Variants in ZFAT observed in about 807,000 individuals in gnomAD.
The protein encoded by ZFAT is zinc finger protein ZFAT.
In ZFAT, 64 loss-of-function variants were observed where a neutral mutation model predicts 117.7. That is an observed-to-expected ratio of 0.54 (90% CI 0.44 to 0.67). The LOEUF (loss-of-function observed/expected upper bound fraction) is 0.67, where lower values mean the gene tolerates loss of function less well. Ranked by LOEUF, ZFAT falls within the 30% of genes least tolerant of loss-of-function variation. The probability of loss-of-function intolerance (pLI) is 0.00; values close to 1 mark genes in which losing one functional copy is unlikely to be tolerated. For missense variants in ZFAT, 1,433 were observed against 1,584.5 expected (o/e 0.90, Z 1.62); for synonymous variants, 679 against 615.0 (o/e 1.10, Z -1.54).
At chr8:134,779,899 T>C in the ZFAT span, among the ~76,000 whole-genome samples, 1 of 152,162 alleles carries the variant, frequency 6.6e-6, no homozygotes, top group African/African-American at 2.4e-5. Context: ...TGAGGCTCAA[T>C]ACATTCTTAT....
At chr8:134,771,329 T>C in the ZFAT span, among the ~76,000 whole-genome samples, 4 of 152,196 alleles carry the variant, frequency 2.6e-5, no homozygotes, top group Non-Finnish European at 5.9e-5. Flanking sequence ...GCAGATTCCC[T>C]GATACTGAAT....
the ZFAT span, among the ~76,000 whole-genome samples, chr8:134,727,326 C>T: frequency 6.6e-6 from 1 of 152,034 alleles, no homozygotes; most frequent in East Asian, 1.9e-4. Flanking sequence ...GAGGAAGTGG[C>T]TGGTGCAAAG....
chr8:134,795,115 T>C, the ZFAT span: 1 of 152,194 alleles, frequency 6.6e-6, no homozygotes, highest in East Asian at 1.9e-4. Flanking sequence ...TATTGTGAAA[T>C]ATATATTTGC....
At chr8:134,709,126 A>G (rs1449038603) in intron 1 of ZFAT, among the ~76,000 whole-genome samples, 3 of 152,184 alleles carry the variant, frequency 2.0e-5, no homozygotes, top group Non-Finnish European at 4.4e-5. Flanking sequence ...TCTACAAAAA[A>G]TACAAAAATT....
At chr8:134,714,926 C>A (rs1449056336), upstream of ZFAT, among the ~76,000 whole-genome samples, 1 of 152,110 alleles carries the variant, frequency 6.6e-6, no homozygotes, top group Non-Finnish European at 1.5e-5. Flanking sequence ...ACGTCCTCCA[C>A]CACAAGATAC....
chr8:134,622,149 T>G (rs980210956), intron 3 of ZFAT, among the ~76,000 whole-genome samples: 3 of 152,144 alleles, frequency 2.0e-5, no homozygotes, highest in Non-Finnish European at 4.4e-5. Flanking sequence ...GGCCTGAGGT[T>G]GGGATGATGA....
chr8:134,672,295 A>C (rs1832598887), intron 1 of ZFAT, among the ~76,000 whole-genome samples: 1 of 152,244 alleles, frequency 6.6e-6, no homozygotes. Flanking sequence ...CCACATTGCC[A>C]AGACAATCCT....
At chr8:134,643,029 A>G (rs1563717732) in intron 2 of ZFAT, among the ~76,000 whole-genome samples, 2 of 152,350 alleles carry the variant, frequency 1.3e-5, no homozygotes, top group South Asian at 2.1e-4. Context: ...TACCAGCCAT[A>G]TCGTGGAAAT....
chr8:134,768,486 G>A, the ZFAT span, among the ~76,000 whole-genome samples: 1 of 152,136 alleles, frequency 6.6e-6, no homozygotes, highest in Non-Finnish European at 1.5e-5. Context: ...AAAAGAAAGA[G>A]GTTTAATGGA....
chr8:134,545,560 A>T (rs184134884), intron 11 of ZFAT, among the ~76,000 whole-genome samples: 2 of 152,358 alleles, frequency 1.3e-5, no homozygotes, highest in Non-Finnish European at 2.9e-5. Flanking sequence ...AACTATAATG[A>T]AATAAAAAAG....
chr8:134,749,837 T>C, the ZFAT span, among the ~76,000 whole-genome samples: 1 of 152,232 alleles, frequency 6.6e-6, no homozygotes, highest in African/African-American at 2.4e-5. Context: ...TATTTTATTG[T>C]ATTTTTCCCC....
At chr8:134,825,746 C>T in the ZFAT span, among the ~76,000 whole-genome samples, 2 of 152,164 alleles carry the variant, frequency 1.3e-5, no homozygotes, top group African/African-American at 2.4e-5. Flanking sequence ...TCAGGCTGGG[C>T]GCGGTGGCTC....
chr8:134,565,299 T>C, intron 11 of ZFAT, 34 bp downstream of exon 11: 2 of 1,611,150 alleles, frequency 1.2e-6, no homozygotes, highest in Non-Finnish European at 1.7e-6. Context: ...CTTTTTTGTC[T>C]GAACATCTGC....
At chr8:134,719,104 A>G in the ZFAT span, among the ~76,000 whole-genome samples, 6 of 152,190 alleles carry the variant, frequency 3.9e-5, no homozygotes, top group Non-Finnish European at 7.3e-5. Flanking sequence ...CTTTGGAGAC[A>G]ATGTCTGGGC....
chr8:134,496,989 G>A (rs919029883), intron 15 of ZFAT, among the ~76,000 whole-genome samples: 6 of 152,216 alleles, frequency 3.9e-5, no homozygotes, highest in Admixed American at 6.5e-5. Context: ...AGGGACCCCC[G>A]CCCCCATAGG....
intron 11 of ZFAT, among the ~76,000 whole-genome samples, chr8:134,564,157 C>T (rs1315909259): frequency 7.3e-6 from 1 of 136,340 alleles, no homozygotes; most frequent in Non-Finnish European, 1.5e-5. Context: ...AGGAGTGAGA[C>T]TCCTTCTCAA....
the ZFAT span, among the ~76,000 whole-genome samples, chr8:134,728,017 A>G: frequency 2.6e-5 from 4 of 152,238 alleles, no homozygotes; most frequent in Admixed American, 2.6e-4. Context: ...CTGAGCAGAC[A>G]TGCTGTACCA....
chr8:134,490,067 G>C (rs1301000479), intron 15 of ZFAT, among the ~76,000 whole-genome samples: 1 of 152,092 alleles, frequency 6.6e-6, no homozygotes, highest in African/African-American at 2.4e-5. Context: ...GGCTACCCCG[G>C]CCAGGCCACG....
At chr8:134,780,159 A>G in the ZFAT span, among the ~76,000 whole-genome samples, 1 of 152,222 alleles carries the variant, frequency 6.6e-6, no homozygotes, top group African/African-American at 2.4e-5. Flanking sequence ...AGTTCTGAAA[A>G]TGACTAGAAT....
Sources: gnomAD v4.1 joint callset for allele counts (sites outside exome capture counted in the v4.1 genomes callset) on GRCh38, gnomAD v4.1.1 for gene constraint, MANE v1.5 for transcripts, NCBI Gene and HGNC (gene_info 2026-07-23, HGNC 2026-07-21) for gene names.